CYP2J2: variants seen among roughly 807,000 people sequenced by gnomAD.
CYP2J2 encodes the protein cytochrome P450 family 2 subfamily J member 2, also known as cytochrome P450 2J2.
A neutral mutation model predicts 48.8 loss-of-function variants in CYP2J2; 41 were observed. The observed-to-expected ratio is 0.84, with a 90% confidence interval of 0.66 to 1.09. The LOEUF (loss-of-function observed/expected upper bound fraction) is 1.09, where lower values mean the gene tolerates loss of function less well. CYP2J2 is among the 50% of genes least tolerant of loss of function. CYP2J2 has a pLI of 0.00. For synonymous variants in CYP2J2, 221 were observed against 227.1 expected (o/e 0.97, Z 0.24); for missense variants, 644 against 617.3 (o/e 1.04, Z -0.46).
chr1:59,955,423 C>G, the CYP2J2 span, among the ~76,000 whole-genome samples: 1 of 151,640 alleles, frequency 6.6e-6, no homozygotes, highest in African/African-American at 2.4e-5. Context: ...TTAATAATAT[C>G]ATCATAATGA....
At chr1:59,895,454 A>C (rs1422041228) in intron 8 of CYP2J2, among the ~76,000 whole-genome samples, 1 of 152,186 alleles carries the variant, frequency 6.6e-6, no homozygotes, top group Admixed American at 6.5e-5. Context: ...AGTGCTATAC[A>C]ATTGTGATGT....
chr1:59,937,448 G>A, the CYP2J2 span, among the ~76,000 whole-genome samples: 5 of 151,726 alleles, frequency 3.3e-5, no homozygotes, highest in South Asian at 8.3e-4. Context: ...AAGGAAAATC[G>A]ATATTTAAGG....
intron 1 of CYP2J2, among the ~76,000 whole-genome samples, chr1:59,921,030 G>T (rs985594835): frequency 6.6e-6 from 1 of 151,864 alleles, no homozygotes; most frequent in Admixed American, 6.6e-5. Flanking sequence ...TCTACAAAAG[G>T]TTATCCCCAG....
upstream of CYP2J2, among the ~76,000 whole-genome samples, chr1:59,927,769 C>T (rs559128977): frequency 6.6e-6 from 1 of 152,020 alleles, no homozygotes; most frequent in African/African-American, 2.4e-5. Context: ...GATGGGGTTT[C>T]GCCGTGTTGG....
the CYP2J2 span, among the ~76,000 whole-genome samples, chr1:59,939,888 C>T: frequency 6.6e-6 from 1 of 152,174 alleles, no homozygotes; most frequent in Admixed American, 6.5e-5. Flanking sequence ...TACTGCTGGG[C>T]TACCACCAAT....
At chr1:59,927,113 C>T (rs887686200), upstream of CYP2J2, among the ~76,000 whole-genome samples, 4 of 152,086 alleles carry the variant, frequency 2.6e-5, no homozygotes, top group Non-Finnish European at 4.4e-5. Context: ...GCAGCACATC[C>T]GCCTCTTTAC....
At chr1:59,931,778 A>C in the CYP2J2 span, among the ~76,000 whole-genome samples, 1 of 152,176 alleles carries the variant, frequency 6.6e-6, no homozygotes, top group Non-Finnish European at 1.5e-5. Flanking sequence ...CTAGGTATTA[A>C]ATTATATACC....
intron 1 of CYP2J2, 44 bp from the exon 2 acceptor site, chr1:59,916,144 A>C: frequency 6.5e-7 from 1 of 1,543,258 alleles, no homozygotes; most frequent in Non-Finnish European, 8.9e-7. Context: ...GCACATGTCC[A>C]TGTGTTCAGA....
At chr1:59,939,597 A>T in the CYP2J2 span, among the ~76,000 whole-genome samples, 3 of 152,028 alleles carry the variant, frequency 2.0e-5, no homozygotes, top group African/African-American at 7.3e-5. Context: ...GCTACCACCT[A>T]TGTTTACGCA....
At chr1:59,930,062 C>T (rs571258345), upstream of CYP2J2, among the ~76,000 whole-genome samples, 8 of 152,158 alleles carry the variant, frequency 5.3e-5, no homozygotes, top group Admixed American at 6.5e-5. Context: ...AAAAGATTAA[C>T]GGCCGACTTG....
At chr1:59,954,126 G>A in the CYP2J2 span, among the ~76,000 whole-genome samples, 5 of 152,072 alleles carry the variant, frequency 3.3e-5, no homozygotes, top group Non-Finnish European at 5.9e-5. Flanking sequence ...TGATATTCAC[G>A]GAAGTGTGTC....
the CYP2J2 span, among the ~76,000 whole-genome samples, chr1:59,934,538 G>C: frequency 6.6e-6 from 1 of 152,024 alleles, no homozygotes; most frequent in Non-Finnish European, 1.5e-5. Context: ...GATTTTAAAT[G>C]GGCAAATGAC....
At chr1:59,896,342 A>G (rs986672092) in intron 8 of CYP2J2, among the ~76,000 whole-genome samples, 13 of 151,604 alleles carry the variant, frequency 8.6e-5, no homozygotes, top group African/African-American at 2.4e-4. Flanking sequence ...ATATATATAT[A>G]TACACCAAAT....
At chr1:59,919,148 C>CGA (rs144838675) in intron 1 of CYP2J2, among the ~76,000 whole-genome samples, 5 of 150,458 alleles carry the variant, frequency 3.3e-5, no homozygotes, top group South Asian at 2.1e-4. Flanking sequence ...TGTGTGACAG[C>CGA]GAGAGAGAGA....
At position 59,911,723 on chromosome 1, in the gene CYP2J2, T is replaced by C. The variant is rs942059546; in HGVS notation, c.569A>G (p.Asn190Ser). ...TCCGAAGGTGATGGAGCAAATGATA[T>C]TGGAAACTGCATTGTTGATCTTGAA... ...PHFKINNAVS[N>S]IICSITFGER... The change falls in exon 4 of 9, where the codon AAT becomes AGT. Residue 190 changes from asparagine (N) to serine (S), a missense_variant. Asn to Ser is a conservative substitution (Grantham distance 46, BLOSUM62 1). Coordinates refer to ENST00000371204, the MANE Select transcript of CYP2J2 (RefSeq NM_000775.4). The C allele has an allele frequency of 6.2e-7, 1 of 1,613,614 alleles. No homozygotes were observed. The highest frequency in any genetic ancestry group is 8.5e-7 in the Non-Finnish European group (1 of 1,179,736).
the CYP2J2 span, among the ~76,000 whole-genome samples, chr1:59,939,414 T>C: frequency 0.011 from 1,700 of 152,284 alleles, 26 homozygotes; most frequent in African/African-American, 0.039. Flanking sequence ...TGTTCTCTGC[T>C]CTTAGTTTCT....
rs1644397065 is a variant in CYP2J2 at position 59,909,895 on chromosome 1, G to T, written c.750C>A (p.Asn250Lys). The stretch of plus-strand genomic sequence containing the variant: ...AAACAAACAATTTCAGTTTTTTCCA[G>T]TTGCTGAAGAGAGTTTGGTGGGGTC... ...LPGPHQTLFS[N>K]WKKLKLFVSH... is the part of the protein sequence containing the mutation. Residue 250 changes from asparagine (N) to lysine (K), a missense_variant, in exon 5 of 9, where the codon AAC (asparagine) becomes AAA (lysine). Transcript: ENST00000371204. The T allele has an allele frequency of 1.2e-6, 2 of 1,611,584 alleles. No homozygotes were observed. The highest frequency in any genetic ancestry group is 1.7e-5 in the Admixed American group (1 of 59,684).
the CYP2J2 span, among the ~76,000 whole-genome samples, chr1:59,965,789 T>C: frequency 6.6e-6 from 1 of 152,118 alleles, no homozygotes; most frequent in Non-Finnish European, 1.5e-5. Context: ...GTAGCTGGGA[T>C]TACAGGCACC....
intron 1 of CYP2J2, among the ~76,000 whole-genome samples, chr1:59,916,951 G>A (rs1644471497): frequency 6.6e-6 from 1 of 152,044 alleles, no homozygotes; most frequent in Non-Finnish European, 1.5e-5. Flanking sequence ...CCCCTTCCTA[G>A]ACTGGGCATA....
Sources: gnomAD v4.1 joint callset for allele counts (sites outside exome capture counted in the v4.1 genomes callset) on GRCh38, gnomAD v4.1.1 for gene constraint, MANE v1.5 for transcripts, NCBI Gene and HGNC (gene_info 2026-07-23, HGNC 2026-07-21) for gene names.